SPOCK3: variants seen among roughly 807,000 people sequenced by gnomAD.
SPOCK3 encodes SPARC (osteonectin), cwcv and kazal like domains proteoglycan 3, also known as testican-3.
In SPOCK3, 30 loss-of-function variants were observed where a neutral mutation model predicts 56.6. The observed-to-expected ratio is 0.53, with a 90% CI of 0.40 to 0.72. The LOEUF is 0.72. Among genes scored for constraint, SPOCK3 ranks in the 30% least tolerant of loss-of-function variants. The pLI is 0.00. For missense variants in SPOCK3, 527 were observed against 530.0 expected (o/e 0.99, Z 0.06); for synonymous variants, 196 against 183.3 (o/e 1.07, Z -0.56).
At chr4:167,003,329 A>G (rs1488036351) in intron 3 of SPOCK3, among the ~76,000 whole-genome samples, 1 of 152,250 alleles carries the variant, frequency 6.6e-6, no homozygotes, top group Non-Finnish European at 1.5e-5. Flanking sequence ...AGAATCAGAT[A>G]CATAGCATGT....
At chr4:167,058,241 C>T (rs528579701) in intron 3 of SPOCK3, among the ~76,000 whole-genome samples, 2 of 152,238 alleles carry the variant, frequency 1.3e-5, no homozygotes, top group South Asian at 2.1e-4. Flanking sequence ...GATTGTATAT[C>T]TAGAAAACCC....
intron 2 of SPOCK3, among the ~76,000 whole-genome samples, chr4:167,231,139 T>C (rs951246389): frequency 6.6e-6 from 1 of 152,048 alleles, no homozygotes; most frequent in African/African-American, 2.4e-5. Flanking sequence ...ATATTACAAA[T>C]ATATAAAGAG....
Position 167,205,510 on chromosome 4 carries a change from AATATATATT to A in SPOCK3, c.189+28466_189+28474del, listed in dbSNP as rs1472163765. ...ATATAATATATAATATATATTATATAATATATATTATATATATTATTATATAATATATAT... is the reference window on the plus strand; with the variant it reads ...ATATAATATATAATATATATTATATAATATATATTATTATATAATATATAT... On this transcript the variant is annotated intron_variant, in intron 2 of 10. Coordinates refer to ENST00000357545, the MANE Select transcript of SPOCK3 (RefSeq NM_001040159.2). Among the ~76,000 whole-genome samples, 67 of 56,910 alleles carry A rather than the reference AATATATATT, an allele frequency of 1.2e-3. 1 individual carries two copies. Among genetic ancestry groups the A allele is most frequent in the African/African-American group, 4.9e-3 (63 of 12,986 alleles). The allele number at this position is 56,910 out of a possible 152,430, so 37.3% of individuals were successfully genotyped here.
chr4:167,112,832 CA>C (rs1399107189), intron 2 of SPOCK3, among the ~76,000 whole-genome samples: 1 of 81,772 alleles, frequency 1.2e-5, no homozygotes, highest in African/African-American at 5.3e-5. Flanking sequence ...GGACTCTGTT[CA>C]AAAGTGCTCT....
intron 4 of SPOCK3, among the ~76,000 whole-genome samples, chr4:166,965,069 A>T (rs563673618): frequency 2.0e-5 from 3 of 151,988 alleles, no homozygotes; most frequent in Non-Finnish European, 4.4e-5. Flanking sequence ...AATGTGTTTT[A>T]GTGGACTAAT....
At position 167,095,785 on chromosome 4, in the gene SPOCK3, G is replaced by A. The variant is rs753796471; in HGVS notation, c.190-33248C>T. On this transcript the variant is annotated intron_variant, in intron 2 of 10. Coordinates refer to ENST00000357545, the MANE Select transcript of SPOCK3 (RefSeq NM_001040159.2). The stretch of plus-strand genomic sequence containing the variant: ...AAAATCTGAATATATATATATATAT[G>A]TGCACTTATGTGTATAATTATTTTA... Among the ~76,000 whole-genome samples, 13 of 151,428 alleles carry A rather than the reference G, an allele frequency of 8.6e-5. No homozygotes were observed. The Middle Eastern group carries it at 0.01, about 120-fold the overall frequency.
intron 6 of SPOCK3, among the ~76,000 whole-genome samples, chr4:166,878,649 C>CT (rs1207288419): frequency 6.6e-6 from 1 of 152,036 alleles, no homozygotes; most frequent in Admixed American, 6.6e-5. Context: ...TACAAATACT[C>CT]TAAGTTATTT....
intron 6 of SPOCK3, among the ~76,000 whole-genome samples, chr4:166,882,011 T>A (rs1210424964): frequency 2.0e-5 from 3 of 152,234 alleles, no homozygotes; most frequent in Non-Finnish European, 4.4e-5. Flanking sequence ...ACGTACTGGG[T>A]GGAAAGGGGG....
intron 2 of SPOCK3, among the ~76,000 whole-genome samples, chr4:167,163,749 G>A (rs1307139045): frequency 2.6e-5 from 4 of 152,002 alleles, no homozygotes; most frequent in African/African-American, 9.7e-5. Flanking sequence ...TTCAGAACAT[G>A]TGTTCTTTAT....
chr4:167,047,606 C>T (rs892315057), intron 3 of SPOCK3, among the ~76,000 whole-genome samples: 1 of 152,176 alleles, frequency 6.6e-6, no homozygotes. Context: ...ACTTAAGACA[C>T]TATAAAAATT....
At chr4:167,227,660 T>G (rs1446571864) in intron 2 of SPOCK3, among the ~76,000 whole-genome samples, 1 of 152,058 alleles carries the variant, frequency 6.6e-6, no homozygotes, top group Non-Finnish European at 1.5e-5. Flanking sequence ...AAAAGACATA[T>G]AAATACTCCA....
At chr4:166,879,533 T>C (rs1045061382) in intron 6 of SPOCK3, among the ~76,000 whole-genome samples, 1 of 152,166 alleles carries the variant, frequency 6.6e-6, no homozygotes, top group Non-Finnish European at 1.5e-5. Flanking sequence ...TTAAAAAATA[T>C]GTACATATTT....
chr4:166,966,163 G>A (rs570891481), intron 4 of SPOCK3, among the ~76,000 whole-genome samples: 1 of 151,492 alleles, frequency 6.6e-6, no homozygotes, highest in African/African-American at 2.4e-5. Flanking sequence ...TTCATAGCTG[G>A]ATAGCTCATT....
chr4:166,798,807 T>C (rs536303324), intron 6 of SPOCK3, among the ~76,000 whole-genome samples: 2 of 152,070 alleles, frequency 1.3e-5, no homozygotes, highest in South Asian at 2.1e-4. Flanking sequence ...TAAAAGTGAG[T>C]GGTGAGTATG....
At chr4:167,221,430 T>C (rs1735908815) in intron 2 of SPOCK3, among the ~76,000 whole-genome samples, 1 of 152,084 alleles carries the variant, frequency 6.6e-6, no homozygotes, top group Non-Finnish European at 1.5e-5. Flanking sequence ...CTGTAGTAAC[T>C]GTTTTAAAGT....
chr4:166,943,720 A>T (rs928589045), intron 4 of SPOCK3, among the ~76,000 whole-genome samples: 2 of 152,232 alleles, frequency 1.3e-5, no homozygotes, highest in African/African-American at 4.8e-5. Flanking sequence ...GTGGCTTGCT[A>T]TGACAAGTAC....
At chr4:167,145,411 T>C (rs572340806) in intron 2 of SPOCK3, among the ~76,000 whole-genome samples, 89 of 152,202 alleles carry the variant, frequency 5.8e-4, no homozygotes, top group African/African-American at 2.1e-3. Context: ...ATAATGTTTT[T>C]TAAGCCATGG....
At chr4:166,897,479 T>C (rs1317896705) in intron 5 of SPOCK3, among the ~76,000 whole-genome samples, 4 of 152,186 alleles carry the variant, frequency 2.6e-5, no homozygotes, top group Non-Finnish European at 5.9e-5. Flanking sequence ...TGCAGTCTTT[T>C]AGAAAATATT....
intron 7 of SPOCK3, among the ~76,000 whole-genome samples, chr4:166,765,022 C>A (rs148676969): frequency 2.0e-5 from 3 of 152,152 alleles, no homozygotes; most frequent in Admixed American, 2.0e-4. Flanking sequence ...CCTTTACCCA[C>A]TTTTCGATGG....
Sources: allele counts gnomAD v4.1 joint callset (sites outside exome capture counted in the v4.1 genomes callset), GRCh38; gene constraint gnomAD v4.1.1; transcripts MANE v1.5; gene names NCBI Gene and HGNC (gene_info 2026-07-23, HGNC 2026-07-21).